The following RORA variants were observed in gnomAD, a reference collection of about 807,000 sequenced individuals.
The protein encoded by RORA is nuclear receptor ROR-alpha.
RORA carries 7 observed loss-of-function variants against 69.5 expected under a neutral mutation model. That is an observed-to-expected ratio of 0.10 (90% CI 0.06 to 0.19). The LOEUF is 0.19. Among genes scored for constraint, RORA ranks in the 10% least tolerant of loss-of-function variants. RORA has a pLI of 1.00. For missense variants in RORA, 457 were observed against 663.0 expected, an observed-to-expected ratio of 0.69 and a Z score of 3.41; for synonymous variants, 261 against 240.8, an observed-to-expected ratio of 1.08 and a Z score of -0.78.
chr15:60,513,371 T>A lies in RORA; in HGVS notation c.424+1245A>T, dbSNP rs1030267642. ...AGGTGCTTAATTTTTTTGAAAAAAA[T>A]TTTCTAGGACACTCAAGGGGCCTAA... On this transcript the variant is annotated intron_variant, in intron 4 of 10. Coordinates refer to ENST00000335670, the MANE Select transcript of RORA (RefSeq NM_134261.3). Among the ~76,000 whole-genome samples the A allele has an allele frequency of 3.9e-4, 59 of 152,154 alleles. 1 individual carries two copies. Among genetic ancestry groups the A allele is most frequent in the Non-Finnish European group, 2.9e-5 (2 of 68,032 alleles).
intron 2 of RORA, among the ~76,000 whole-genome samples, chr15:60,608,892 G>A (rs1285893657): frequency 1.3e-5 from 2 of 152,072 alleles, no homozygotes; most frequent in African/African-American, 2.4e-5. Flanking sequence ...TACCAAGCCT[G>A]GTCATCTGAT....
rs561443714 is a variant in RORA, at chr15:60,853,937, T to C, written c.167-175251A>G. Among the ~76,000 whole-genome samples the C allele has an allele frequency of 1.6e-4, 25 of 152,314 alleles. No individual in the cohort carries two copies. In the South Asian group the frequency reaches 4.8e-3, roughly 29 times the overall value. On this transcript the variant is annotated intron_variant, in intron 1 of 10. Transcript: ENST00000335670. Reference sequence around the variant, plus strand: ...GCACAAGGTCCCAGTAAAGATTAAATGTGAGGAAAAACACCGGAAAAGTTC... The same window carrying C: ...GCACAAGGTCCCAGTAAAGATTAAACGTGAGGAAAAACACCGGAAAAGTTC...
intron 1 of RORA, among the ~76,000 whole-genome samples, chr15:60,754,790 A>T (rs1310688563): frequency 1.3e-5 from 2 of 152,140 alleles, no homozygotes; most frequent in African/African-American, 4.8e-5. Flanking sequence ...AGGGCAAATG[A>T]CTTTCCAGTT....
At chr15:61,092,471 C>T (rs979350487) in intron 1 of RORA, among the ~76,000 whole-genome samples, 5 of 152,154 alleles carry the variant, frequency 3.3e-5, no homozygotes, top group Non-Finnish European at 5.9e-5. Context: ...TGGCAAACAC[C>T]ACTTTATCAA....
chr15:60,741,700 G>A lies in RORA; in HGVS notation c.167-63014C>T, dbSNP rs183463776. ...AGAGGCATGGGAGCCGCACCTCATT[G>A]GCCTAATGGACTCCAGGGAGTTGGT... On this transcript the variant is annotated intron_variant, in intron 1 of 10. Coordinates refer to ENST00000335670, the MANE Select transcript of RORA (RefSeq NM_134261.3). Among the ~76,000 whole-genome samples, 9 of 152,284 alleles carry A rather than the reference G, an allele frequency of 5.9e-5. No homozygotes were observed. The East Asian group carries it at 1.7e-3, about 29-fold the overall frequency.
At chr15:61,171,281 G>T (rs900768966) in intron 1 of RORA, among the ~76,000 whole-genome samples, 2 of 152,148 alleles carry the variant, frequency 1.3e-5, no homozygotes, top group Admixed American at 6.5e-5. Context: ...TGCCATCCTT[G>T]TGATCTTGCT....
At chr15:60,590,514 C>T (rs895111772) in intron 2 of RORA, among the ~76,000 whole-genome samples, 2 of 152,114 alleles carry the variant, frequency 1.3e-5, no homozygotes, top group Non-Finnish European at 2.9e-5. Flanking sequence ...CTCAGCCTCT[C>T]GCCTTTCCTC....
intron 1 of RORA, among the ~76,000 whole-genome samples, chr15:61,175,158 T>C (rs2079616764): frequency 1.3e-5 from 2 of 152,204 alleles, no homozygotes. Context: ...AAGTTCACTC[T>C]GTCTAGAGCA....
chr15:60,718,525 C>A (rs79444790), intron 1 of RORA, among the ~76,000 whole-genome samples: 2 of 152,160 alleles, frequency 1.3e-5, no homozygotes, highest in African/African-American at 4.8e-5. Flanking sequence ...GAAAGGTATC[C>A]GTCTGTGGTT....
intron 1 of RORA, among the ~76,000 whole-genome samples, chr15:60,729,777 G>A (rs930798032): frequency 6.6e-6 from 1 of 152,126 alleles, no homozygotes; most frequent in African/African-American, 2.4e-5. Flanking sequence ...CTTCTTCTGT[G>A]TATTAAATCT....
intron 1 of RORA, among the ~76,000 whole-genome samples, chr15:60,777,338 G>A (rs1213723377): frequency 6.6e-6 from 1 of 152,198 alleles, no homozygotes; most frequent in African/African-American, 2.4e-5. Context: ...ATGGAAAATT[G>A]ATAGCCTAGA....
intron 2 of RORA, among the ~76,000 whole-genome samples, chr15:60,595,090 C>G (rs2068637080): frequency 6.7e-6 from 1 of 150,018 alleles, no homozygotes; most frequent in African/African-American, 2.4e-5. Flanking sequence ...AGGCCCCAAC[C>G]AAACAAATCA....
At chr15:60,961,466 CA>C (rs754691512) in intron 1 of RORA, among the ~76,000 whole-genome samples, 73 of 152,180 alleles carry the variant, frequency 4.8e-4, no homozygotes, top group African/African-American at 1.5e-3. Flanking sequence ...AAATGTTTAT[CA>C]CCCATTGATA....
chr15:60,510,697 C>T (rs1171618236), intron 5 of RORA, among the ~76,000 whole-genome samples: 1 of 152,190 alleles, frequency 6.6e-6, no homozygotes, highest in African/African-American at 2.4e-5. Flanking sequence ...TTGACATTCA[C>T]AAATGTTGGC....
chr15:60,735,759 C>T (rs562954215), intron 1 of RORA, among the ~76,000 whole-genome samples: 114 of 152,244 alleles, frequency 7.5e-4, no homozygotes, highest in African/African-American at 2.6e-3. Flanking sequence ...GCAGGAAACA[C>T]AAGCAAAGCA....
intron 1 of RORA, among the ~76,000 whole-genome samples, chr15:61,049,684 G>C (rs1396286895): frequency 6.6e-6 from 1 of 152,062 alleles, no homozygotes; most frequent in African/African-American, 2.4e-5. Context: ...TTCTGAGATG[G>C]AGTCTCCCTC....
chr15:60,668,365 T>C (rs2140730504), intron 2 of RORA, among the ~76,000 whole-genome samples: 1 of 152,344 alleles, frequency 6.6e-6, no homozygotes, highest in South Asian at 2.1e-4. Flanking sequence ...CAGTTGTCTC[T>C]AAGGTTCTTC....
At chr15:60,882,685 G>A (rs1473705702) in intron 1 of RORA, among the ~76,000 whole-genome samples, 1 of 150,500 alleles carries the variant, frequency 6.6e-6, no homozygotes, top group Non-Finnish European at 1.5e-5. Flanking sequence ...ACACACACAC[G>A]GTCTAGAAGG....
At chr15:61,001,696 A>G (rs898242467) in intron 1 of RORA, among the ~76,000 whole-genome samples, 1 of 152,186 alleles carries the variant, frequency 6.6e-6, no homozygotes. Flanking sequence ...TTCACTTTCT[A>G]GTGGGAGGAG....
Sources: gnomAD v4.1 joint callset for allele counts (sites outside exome capture counted in the v4.1 genomes callset) on GRCh38, gnomAD v4.1.1 for gene constraint, MANE v1.5 for transcripts, NCBI Gene and HGNC (gene_info 2026-07-23, HGNC 2026-07-21) for gene names.